The following SON variants were observed in gnomAD, a reference collection of about 807,000 sequenced individuals.
SON encodes protein SON.
A neutral mutation model predicts 173.3 loss-of-function variants in SON; 4 were observed. The observed-to-expected ratio is 0.02, with a 90% CI of 0.01 to 0.05. The LOEUF is 0.05. SON is among the 10% of genes least tolerant of loss of function. SON has a pLI of 1.00. For synonymous variants in SON, 1,190 were observed against 1,105.9 expected, an observed-to-expected ratio of 1.08 and a Z score of -1.51; for missense variants, 2,626 against 3,055.3, an observed-to-expected ratio of 0.86 and a Z score of 3.31.
At chr21:33,557,650 G>A (rs912979837) in intron 4 of SON, 2 of 1,535,274 alleles carry the variant, frequency 1.3e-6, no homozygotes, top group Non-Finnish European at 8.8e-7. Context: ...TTCCATTCAC[G>A]ACGCGTTCAC....
Position 33,552,685 on chromosome 21 carries a change from G to C in SON, c.3454G>C (p.Glu1152Gln), listed in dbSNP as rs760642507. 6.2e-7 allele frequency: 1 copy of C among 1,614,018 alleles called. No homozygotes were observed. The highest frequency in any genetic ancestry group is 8.5e-7 in the Non-Finnish European group (1 of 1,179,994). ...ATATATGGTGCCACCTTTGCCTCCT[G>C]AAGAGCCCCCAACAATGCCACCGTT... ...EAYMVPPLPPEEPPTMPPLPP... is the reference protein window; with the variant it reads ...EAYMVPPLPPQEPPTMPPLPP... The change falls in exon 3 of 12, where the codon GAA becomes CAA. Residue 1152 changes from glutamate (E) to glutamine (Q), a missense_variant. By Grantham distance (29) the Glu-to-Gln change is conservative (BLOSUM62 2). Transcript: ENST00000356577. This position sits in a 1 kb window ranked among gnomAD's most constrained non-coding sequence, Gnocchi z 5.6.
chr21:33,554,431 G>A lies in SON; in HGVS notation c.5200G>A (p.Val1734Met), dbSNP rs146053621. 248 of 1,614,218 alleles carry A rather than the reference G, an allele frequency of 1.5e-4. No individual in the cohort carries two copies. The highest frequency in any genetic ancestry group is 1.9e-4 in the Non-Finnish European group (222 of 1,180,038). The change falls in exon 3 of 12, where the codon GTG (valine) becomes ATG (methionine). Residue 1734 changes from valine (V) to methionine (M), a missense_variant. Val to Met is a conservative substitution (Grantham distance 21). This residue lies in a region of SON where 1,006 missense variants were observed against 895.6 expected (regional missense o/e 1.12). Coordinates refer to ENST00000356577, the MANE Select transcript of SON (RefSeq NM_138927.4). ...TGAGGATATTAATGAAGCAGATTTA[G>A]TGAGACCGTTACTTCCTAAGGACAT... ...NIEDINEADL[V>M]RPLLPKDMER...
intron 6 of SON, 151 bp from the exon 7 acceptor site, chr21:33,567,006 T>G (rs1490050114): frequency 2.0e-6 from 1 of 500,626 alleles, no homozygotes. Flanking sequence ...GATTACTTTC[T>G]CTTTCTGAGT....
rs2085931277 is a variant in SON at position 33,555,051 on chromosome 21, T to C, written c.5820T>C (p.Ser1940=). The C allele has an allele frequency of 6.2e-7, 1 of 1,612,510 alleles. No individual in the cohort carries two copies. ...ATACTCCAAGTCGTCGACGAAGGTCTAGATCTGTGGGTAGAAGAAGGAGCT... is the reference window on the plus strand; with the variant it reads ...ATACTCCAAGTCGTCGACGAAGGTCCAGATCTGTGGGTAGAAGAAGGAGCT... ...RSHTPSRRRR[S]RSVGRRRSFS... Residue 1940 remains serine, a synonymous_variant, in exon 3 of 12, where the codon TCT becomes TCC. Coordinates refer to ENST00000356577, the MANE Select transcript of SON (RefSeq NM_138927.4).
At chr21:33,564,330 A>G (rs1433017546) in intron 6 of SON, among the ~76,000 whole-genome samples, 4 of 152,190 alleles carry the variant, frequency 2.6e-5, no homozygotes, top group Non-Finnish European at 5.9e-5. Context: ...GTACTGGGCA[A>G]TGCTGCTCTA....
At chr21:33,564,248 C>T (rs1174285689) in intron 6 of SON, among the ~76,000 whole-genome samples, 3 of 152,126 alleles carry the variant, frequency 2.0e-5, no homozygotes, top group African/African-American at 4.8e-5. Context: ...CAGTTACCAG[C>T]CCCTGAAAAA....
Position 33,555,143 on chromosome 21 carries a change from GCCGCACCCCCAGCCGCCGC to G in SON, c.5913_5931del (p.Ser1971ArgfsTer29), listed in dbSNP as rs1407912039. The G allele has an allele frequency of 2.5e-5, 37 of 1,493,008 alleles. No individual in the cohort carries two copies. The African/African-American group carries it at 3.6e-4, about 15-fold the overall frequency. 92.5% of individuals were successfully genotyped at this position (1,493,008 alleles called of 1,614,324 possible). A position where few individuals can be genotyped will look rare whatever the true frequency, so the allele number is the denominator to read the frequency against. On this transcript the variant is annotated frameshift_variant, in exon 3 of 12. Coordinates refer to ENST00000356577, the MANE Select transcript of SON (RefSeq NM_138927.4). LOFTEE classifies it high-confidence loss of function. Reference sequence around the variant, plus strand: ...CGCAGCCGCACCCCCAGCCGCCGCAGCCGCACCCCCAGCCGCCGCAGCCGCACCCCCAGCCGCCGGAGCC... The same window carrying G: ...CGCAGCCGCACCCCCAGCCGCCGCAGAGCCGCACCCCCAGCCGCCGGAGCC...
chr21:33,553,247 T>C lies in SON; in HGVS notation c.4016T>C (p.Leu1339Pro), dbSNP rs1277378402. Residue 1339 changes from leucine to proline, a missense_variant, in exon 3 of 12, where the codon CTG becomes CCG. Physicochemically the swap from Leu to Pro is moderately conservative, Grantham distance 98 (BLOSUM62 -3). Coordinates refer to ENST00000356577, the MANE Select transcript of SON (RefSeq NM_138927.4). ...GTTCCAGCAGTAACTACTCCAGTGC[T>C]GGCAGAGAGCATTCTGGAGCCGCCA... is the stretch of plus-strand genomic sequence containing the variant. Reference protein sequence around the residue: ...LLVPAVTTPVLAESILEPPAM... With the variant: ...LLVPAVTTPVPAESILEPPAM... The C allele has an allele frequency of 6.2e-7, 1 of 1,614,188 alleles. No individual in the cohort carries two copies. Among genetic ancestry groups the C allele is most frequent in the Non-Finnish European group, 8.5e-7 (1 of 1,180,036 alleles).
Position 33,559,549 on chromosome 21 carries a change from CAT to C in SON, c.6469-35_6469-34del. 6.4e-7 allele frequency: 1 copy of C among 1,559,138 alleles called. No individual in the cohort carries two copies. Among genetic ancestry groups the C allele is most frequent in the Non-Finnish European group, 8.7e-7 (1 of 1,146,772 alleles). ...ATCTCAAACCATTTAATGTAGATAT[CAT>C]ATTGAGCTTTAATTAAGAAACACTT... On this transcript the variant is annotated intron_variant, in intron 5 of 11. Transcript: ENST00000356577. The surrounding 1 kb of genome is among the most constrained non-coding windows in gnomAD (Gnocchi z 4.1).
In SON at chr21:33,549,980, T is replaced by G; in HGVS notation, c.749T>G (p.Val250Gly). Reference protein sequence around the residue: ...KILDSFAAAPVPTTTLVLKSS... With the variant: ...KILDSFAAAPGPTTTLVLKSS... ...CTGGATTCCTTTGCAGCAGCACCAG[T>G]GCCTACTACAACACTGGTGTTGAAG... Residue 250 changes from valine to glycine, a missense_variant, in exon 3 of 12, where the codon GTG (valine) becomes GGG (glycine). By Grantham distance (109) the Val-to-Gly change is moderately radical. Around this residue, in one of 13 missense-constraint regions of SON, gnomAD observed 757 missense variants for 730.1 expected, o/e 1.04. Coordinates refer to ENST00000356577, the MANE Select transcript of SON (RefSeq NM_138927.4). 1 of 1,614,158 alleles carries G rather than the reference T, an allele frequency of 6.2e-7. No homozygotes were observed. The highest frequency in any genetic ancestry group is 2.2e-5 in the East Asian group (1 of 44,892).
chr21:33,566,715 A>G (rs1326543145), intron 6 of SON, among the ~76,000 whole-genome samples: 5 of 152,148 alleles, frequency 3.3e-5, no homozygotes, highest in Non-Finnish European at 5.9e-5. Flanking sequence ...TTGCTTGTTC[A>G]GTAATTTTGC....
rs778961962 is a variant in SON at position 33,552,345 on chromosome 21, G to A, written c.3114G>A (p.Glu1038=). Residue 1038 remains glutamate (E), a synonymous_variant, in exon 3 of 12, where the codon GAG becomes GAA. Coordinates refer to ENST00000356577, the MANE Select transcript of SON (RefSeq NM_138927.4). The surrounding 1 kb of genome is among the most constrained non-coding windows in gnomAD (Gnocchi z 5.6). The part of the protein sequence containing the change: ...MAERSMMSAY[E]RSMMSAYERS... ...AACGCTCTATGATGTCAGCCTACGA[G>A]CGCTCTATGATGTCAGCCTACGAGC... 1 of 1,612,772 alleles carries A rather than the reference G, an allele frequency of 6.2e-7. No individual in the cohort carries two copies. The highest frequency in any genetic ancestry group is 8.5e-7 in the Non-Finnish European group (1 of 1,179,352).
intron 9 of SON, 80 bp downstream of exon 9, chr21:33,573,535 C>G: frequency 7.7e-7 from 1 of 1,299,660 alleles, no homozygotes; most frequent in Non-Finnish European, 1.1e-6. Context: ...CCCAGTGATA[C>G]TGAACTGAAG....
chr21:33,573,871 TG>T (rs10719418), intron 9 of SON, among the ~76,000 whole-genome samples: 152,337 of 152,340 alleles, frequency 1, 76,167 homozygotes, highest in Non-Finnish European at 1. Flanking sequence ...ATTACAATAC[TG>T]GTTTAGTCTA....
Position 33,551,730 on chromosome 21 carries a change from C to T in SON, c.2499C>T (p.Ser833=), listed in dbSNP as rs879111127. ...TGTTAGCAACCAGCTCCATGGACTCCCAGATGTTAGCAACCAGCACCATGG... is the reference window on the plus strand; with the variant it reads ...TGTTAGCAACCAGCTCCATGGACTCTCAGATGTTAGCAACCAGCACCATGG... ...SQMLATSSMD[S]QMLATSTMDS... is the part of the protein sequence containing the mutation. Residue 833 remains serine, a synonymous_variant, in exon 3 of 12, where the codon TCC becomes TCT. Coordinates refer to ENST00000356577, the MANE Select transcript of SON (RefSeq NM_138927.4). 53 of 1,612,460 alleles carry T rather than the reference C, an allele frequency of 3.3e-5. 1 individual carries two copies. In the South Asian group the frequency reaches 5.6e-4, roughly 17 times the overall value.
chr21:33,544,526 A>G (rs1416724169), intron 1 of SON, among the ~76,000 whole-genome samples: 1 of 151,358 alleles, frequency 6.6e-6, no homozygotes, highest in East Asian at 1.9e-4. Context: ...CGTTATTGAT[A>G]TTCTCATGTC....
chr21:33,569,266 A>T, intron 8 of SON, 179 bp downstream of exon 8: 1 of 541,214 alleles, frequency 1.8e-6, no homozygotes, highest in South Asian at 2.4e-5. Flanking sequence ...AAAATGGCAA[A>T]TGTATAAATG....
intron 6 of SON, among the ~76,000 whole-genome samples, chr21:33,565,739 CTG>C (rs544772478): frequency 1.1e-3 from 165 of 152,242 alleles, no homozygotes; most frequent in South Asian, 2.3e-3. Flanking sequence ...GTTGATTAGA[CTG>C]TTTATAGATC....
rs1216084022 is a variant in SON, at chr21:33,551,497, T to C, written c.2266T>C (p.Leu756=). Residue 756 remains leucine (L), a synonymous_variant, in exon 3 of 12, where the codon TTA becomes CTA. Coordinates refer to ENST00000356577, the MANE Select transcript of SON (RefSeq NM_138927.4). The part of the protein sequence containing the change: ...LASNTMDSQM[L]ASSTMDSQML... ...ATCCAACACCATGGACTCCCAGATG[T>C]TAGCGTCTAGCACCATGGACTCCCA... 3 of 1,613,982 alleles carry C rather than the reference T, an allele frequency of 1.9e-6. No homozygotes were observed. The highest frequency in any genetic ancestry group is 1.7e-6 in the Non-Finnish European group (2 of 1,179,944).
Sources: allele counts gnomAD v4.1 joint callset (sites outside exome capture counted in the v4.1 genomes callset), GRCh38; gene constraint gnomAD v4.1.1; regional missense constraint gnomAD v4.1.1; non-coding constraint Gnocchi (gnomAD v3.1); transcripts MANE v1.5; gene names NCBI Gene and HGNC (gene_info 2026-07-23, HGNC 2026-07-21).